Variants in MCC observed in about 807,000 individuals in gnomAD.
MCC encodes the protein MCC regulator of Wnt signaling pathway.
MCC carries 90 observed loss-of-function variants against 116.2 expected under a neutral mutation model. That is an observed-to-expected ratio of 0.77 (90% CI 0.65 to 0.92). The LOEUF is 0.92. Ranked by LOEUF, MCC falls within the 40% of genes least tolerant of loss-of-function variation. The pLI, the probability that MCC is intolerant of heterozygous loss-of-function variation, is 0.00. For missense variants in MCC, 1,516 were observed against 1,312.2 expected (o/e 1.16, Z -2.40); for synonymous variants, 578 against 510.5 (o/e 1.13, Z -1.78).
intron 1 of MCC, among the ~76,000 whole-genome samples, chr5:113,385,481 C>A (rs773302493): frequency 6.6e-6 from 1 of 152,090 alleles, no homozygotes; most frequent in Non-Finnish European, 1.5e-5. Context: ...CCCTTCTCTC[C>A]CTTTCTTTGT....
chr5:113,070,102 A>T (rs1391241985), intron 12 of MCC, among the ~76,000 whole-genome samples: 1 of 152,246 alleles, frequency 6.6e-6, no homozygotes, highest in African/African-American at 2.4e-5. Flanking sequence ...CGGTTATCAC[A>T]GATGGATTAT....
intron 17 of MCC, among the ~76,000 whole-genome samples, chr5:113,031,215 C>T (rs993603754): frequency 6.6e-6 from 1 of 152,160 alleles, no homozygotes; most frequent in Admixed American, 6.5e-5. Flanking sequence ...AACCAGCCCT[C>T]AGCCCAGAAC....
chr5:113,302,929 G>C (rs887787750), intron 3 of MCC, among the ~76,000 whole-genome samples: 1 of 152,198 alleles, frequency 6.6e-6, no homozygotes, highest in Non-Finnish European at 1.5e-5. Context: ...CTTAGAACTT[G>C]GTGAAATCAA....
intron 3 of MCC, among the ~76,000 whole-genome samples, chr5:113,228,653 C>T (rs1176596679): frequency 6.6e-6 from 1 of 152,044 alleles, no homozygotes; most frequent in African/African-American, 2.4e-5. Context: ...ATACTGAGTG[C>T]AAGAGAAAAG....
intron 3 of MCC, among the ~76,000 whole-genome samples, chr5:113,245,382 C>A: frequency 6.6e-6 from 1 of 151,464 alleles, no homozygotes; most frequent in East Asian, 1.9e-4. Flanking sequence ...TGTCCTCTCT[C>A]TTGTGTTCTC....
chr5:113,337,588 C>T (rs1272774754), intron 3 of MCC, among the ~76,000 whole-genome samples: 1 of 152,146 alleles, frequency 6.6e-6, no homozygotes. Context: ...GTACGGTTTT[C>T]TTTACCCTTA....
At chr5:113,478,250 G>C (rs1772284556) in intron 1 of MCC, among the ~76,000 whole-genome samples, 1 of 152,194 alleles carries the variant, frequency 6.6e-6, no homozygotes, top group Non-Finnish European at 1.5e-5. Context: ...GTTGGTTACT[G>C]GCTGCTGTAT....
chr5:113,067,953 G>C (rs894028752), intron 13 of MCC, 127 bp downstream of exon 13: 4 of 760,682 alleles, frequency 5.3e-6, no homozygotes, highest in East Asian at 5.1e-5. Context: ...GAGGAAAAAC[G>C]AAAAACACAC....
At chr5:113,333,820 CATATATGTATATATGT>C (rs776847278) in intron 3 of MCC, among the ~76,000 whole-genome samples, 1 of 85,574 alleles carries the variant, frequency 1.2e-5, no homozygotes, top group Non-Finnish European at 2.3e-5. Flanking sequence ...TATATATGTA[CATATATGTATATATGT>C]ATATATGTAT....
At position 113,160,530 on chromosome 5, in the gene MCC, G is replaced by T. The variant is rs182637301; in HGVS notation, c.628-9108C>A. The stretch of plus-strand genomic sequence containing the variant: ...ACTTAGAGGTTAAGTAACTTGTCAA[G>T]CTAGTAAGTAACAGAGCCAGAATGA... On this transcript the variant is annotated intron_variant, in intron 3 of 18. Transcript: ENST00000408903. Among the ~76,000 whole-genome samples, 78 of 152,292 alleles carry T rather than the reference G, an allele frequency of 5.1e-4. No individual in the cohort carries two copies. The Middle Eastern group carries it at 0.017, about 33-fold the overall frequency.
chr5:113,183,677 G>A (rs1581216951), intron 3 of MCC, among the ~76,000 whole-genome samples: 2 of 152,156 alleles, frequency 1.3e-5, no homozygotes, highest in East Asian at 3.9e-4. Flanking sequence ...TGGGCATCTG[G>A]AGAAGTGTGC....
chr5:113,090,686 G>A (rs1755563213), intron 8 of MCC, among the ~76,000 whole-genome samples: 1 of 152,218 alleles, frequency 6.6e-6, no homozygotes, highest in South Asian at 2.1e-4. Context: ...AGCTTTGGCA[G>A]AGAGCAGGAA....
At chr5:113,084,231 A>G in intron 9 of MCC, 41 bp from the exon 10 acceptor site, 1 of 1,461,054 alleles carries the variant, frequency 6.8e-7, no homozygotes, top group Non-Finnish European at 9.6e-7. Flanking sequence ...ACTACACACC[A>G]CTCCTCAGAT....
chr5:113,452,244 T>C (rs1257771910), intron 1 of MCC, among the ~76,000 whole-genome samples: 1 of 152,236 alleles, frequency 6.6e-6, no homozygotes, highest in Non-Finnish European at 1.5e-5. Flanking sequence ...GAAATAGATC[T>C]ACTTTCTAGA....
intron 4 of MCC, among the ~76,000 whole-genome samples, chr5:113,143,702 C>CT (rs1411119528): frequency 1.3e-5 from 2 of 152,128 alleles, no homozygotes; most frequent in Non-Finnish European, 2.9e-5. Flanking sequence ...CATCAGATAC[C>CT]TTCTGCAGGG....
chr5:113,330,415 A>G (rs1767670945), intron 3 of MCC, among the ~76,000 whole-genome samples: 1 of 152,202 alleles, frequency 6.6e-6, no homozygotes, highest in South Asian at 2.1e-4. Context: ...TTTATTTTCA[A>G]ATACAAAGAT....
rs1026491959 is a variant in MCC, at chr5:113,087,131, C to T, written c.1399-1821G>A. 9.2e-4 allele frequency among the ~76,000 whole-genome samples: 140 copies of T among 152,250 alleles called. 1 individual carries two copies. Among genetic ancestry groups the T allele is most frequent in the Non-Finnish European group, 2.9e-4 (20 of 68,048 alleles). On this transcript the variant is annotated intron_variant, in intron 8 of 18. Transcript: ENST00000408903. ...AACAGGCAGGCACATGGCCCCTTCT[C>T]TAAAAGGCACTGGAAAGCTTTTCAT...
At chr5:113,027,938 C>G (rs1750684076) in intron 18 of MCC, among the ~76,000 whole-genome samples, 1 of 152,232 alleles carries the variant, frequency 6.6e-6, no homozygotes, top group Non-Finnish European at 1.5e-5. Flanking sequence ...GTTCCACCTT[C>G]CCTTTATGCT....
In MCC at chr5:113,078,787, C is replaced by T. The variant is rs186602062; in HGVS notation, c.1784+4073G>A. Among the ~76,000 whole-genome samples the T allele has an allele frequency of 2.4e-3, 359 of 152,208 alleles. 1 individual carries two copies. Among genetic ancestry groups the T allele is most frequent in the Admixed American group, 5.2e-3 (79 of 15,270 alleles). The stretch of plus-strand genomic sequence containing the variant: ...CCTCTCTCACCACTCCTATTCAACA[C>T]AGTGTTGGAAGTTCTGGCCAGGGCA... On this transcript the variant is annotated intron_variant, in intron 11 of 18. Coordinates refer to ENST00000408903, the MANE Select transcript of MCC (RefSeq NM_001085377.2).
Sources: allele counts gnomAD v4.1 joint callset (sites outside exome capture counted in the v4.1 genomes callset), GRCh38; gene constraint gnomAD v4.1.1; transcripts MANE v1.5; gene names NCBI Gene and HGNC (gene_info 2026-07-23, HGNC 2026-07-21).